RAD54L: variants seen among roughly 807,000 people sequenced by gnomAD.
RAD54L encodes the protein RAD54 like, also known as DNA repair and recombination protein RAD54-like.
Under a neutral mutation model 91.6 loss-of-function variants are expected in RAD54L, and 74 were observed. The ratio of observed to expected loss-of-function variants is 0.81; its 90% CI spans 0.67 to 0.98. The LOEUF is 0.98. Ranked by LOEUF, RAD54L falls within the 50% of genes least tolerant of loss-of-function variation. The pLI is 0.00. For synonymous variants in RAD54L, 304 were observed against 349.7 expected, an observed-to-expected ratio of 0.87 and a Z score of 1.46; for missense variants, 887 against 945.7, an observed-to-expected ratio of 0.94 and a Z score of 0.81.
Position 46,258,671 on chromosome 1 carries a change from C to T in RAD54L, c.211-15C>T, listed in dbSNP as rs770514799. 3 of 1,587,186 alleles carry T rather than the reference C, an allele frequency of 1.9e-6. No individual in the cohort carries two copies. The South Asian group carries it at 3.3e-5, about 18-fold the overall frequency. The stretch of plus-strand genomic sequence containing the variant: ...TCCAGTCAGTCCTGAATCCTTGTTT[C>T]TCCTTTCTTTTTAGGAAGCATTTAT... On this transcript the variant is annotated splice_polypyrimidine_tract_variant and intron_variant, in intron 3 of 17. Transcript: ENST00000371975.
At position 46,272,784 on chromosome 1, in the gene RAD54L, C is replaced by T. The variant is rs1308837481; in HGVS notation, c.1357C>T (p.Leu453=). 6.2e-7 allele frequency: 1 copy of T among 1,614,174 alleles called. No homozygotes were observed. Among genetic ancestry groups the T allele is most frequent in the Admixed American group, 1.7e-5 (1 of 60,024 alleles). Residue 453 remains leucine (L), a synonymous_variant, in exon 12 of 18, where the codon CTA becomes TTA. Coordinates refer to ENST00000371975, the MANE Select transcript of RAD54L (RefSeq NM_003579.4). ...SVSSLSSITS[L]KKLCNHPALI... is the part of the protein sequence containing the mutation. ...GTCTTCCCTTTCTTCCATCACCTCG[C>T]TAAAGAAGCTTTGTAATCGTGAGTT...
chr1:46,261,107 T>A, intron 7 of RAD54L, 92 bp downstream of exon 7: 1 of 1,549,494 alleles, frequency 6.5e-7, no homozygotes, highest in Non-Finnish European at 8.8e-7. Context: ...TGGAGGGCAA[T>A]GCAGGGGTAG....
At chr1:46,273,573 C>T (rs1660499165) in intron 13 of RAD54L, 51 bp from the exon 14 acceptor site, 1 of 1,612,306 alleles carries the variant, frequency 6.2e-7, no homozygotes, top group Non-Finnish European at 8.5e-7. Flanking sequence ...AGTAAGAAGC[C>T]TGGGCCATTG....
Sources: gnomAD v4.1 joint callset for allele counts on GRCh38, gnomAD v4.1.1 for gene constraint, MANE v1.5 for transcripts, NCBI Gene and HGNC (gene_info 2026-07-23, HGNC 2026-07-21) for gene names.